The following GULP1 variants were observed in gnomAD, a reference collection of about 807,000 sequenced individuals.
The protein encoded by GULP1 is GULP PTB domain containing engulfment adaptor 1.
A neutral mutation model predicts 40.9 loss-of-function variants in GULP1; 19 were observed. The observed-to-expected ratio is 0.46, with a 90% CI of 0.32 to 0.68. The LOEUF is 0.68. Ranked by LOEUF, GULP1 falls within the 30% of genes least tolerant of loss-of-function variation. GULP1 has a pLI of 0.03. For synonymous variants in GULP1, 119 were observed against 117.6 expected (o/e 1.01, Z -0.08); for missense variants, 312 against 362.2 (o/e 0.86, Z 1.12).
intron 4 of GULP1, 122 bp downstream of exon 4, chr2:188,483,614 C>T: frequency 2.4e-6 from 1 of 424,374 alleles, no homozygotes; most frequent in Non-Finnish European, 4.3e-6. Flanking sequence ...AAAAAGTTTA[C>T]ATAAATAAAA....
intron 1 of GULP1, among the ~76,000 whole-genome samples, chr2:188,322,008 G>A (rs6716852): frequency 0.75 from 114,457 of 152,036 alleles, 43,525 homozygotes; most frequent in East Asian, 0.95. Context: ...CTGGACAACA[G>A]GAGTGAAACT....
At chr2:188,575,315 G>T (rs776790209) in intron 9 of GULP1, among the ~76,000 whole-genome samples, 1 of 152,116 alleles carries the variant, frequency 6.6e-6, no homozygotes, top group Non-Finnish European at 1.5e-5. Context: ...ATTATAAAAT[G>T]TGTACTGAAG....
chr2:188,496,083 A>G (rs961406143), intron 4 of GULP1, among the ~76,000 whole-genome samples: 19 of 152,032 alleles, frequency 1.2e-4, no homozygotes, highest in Non-Finnish European at 2.1e-4. Context: ...ACTAATGATG[A>G]TAAGCATGGC....
At chr2:188,454,138 C>G (rs2059061943) in intron 2 of GULP1, among the ~76,000 whole-genome samples, 1 of 152,198 alleles carries the variant, frequency 6.6e-6, no homozygotes, top group Admixed American at 6.5e-5. Context: ...TGGCTGCTCC[C>G]AAGCTCTTGT....
At chr2:188,563,919 A>G (rs1210393303) in intron 7 of GULP1, among the ~76,000 whole-genome samples, 2 of 151,972 alleles carry the variant, frequency 1.3e-5, no homozygotes, top group Non-Finnish European at 2.9e-5. Context: ...TATAAAATAG[A>G]TAGTACATTA....
intron 5 of GULP1, among the ~76,000 whole-genome samples, chr2:188,523,431 C>T (rs909212349): frequency 6.6e-6 from 1 of 152,184 alleles, no homozygotes; most frequent in African/African-American, 2.4e-5. Context: ...TAAGATGCTA[C>T]ACACCATGTT....
chr2:188,490,035 C>T (rs1006281598), intron 4 of GULP1, among the ~76,000 whole-genome samples: 3 of 151,958 alleles, frequency 2.0e-5, no homozygotes, highest in East Asian at 1.9e-4. Context: ...TATATAGCTG[C>T]TAGAAATTAT....
At chr2:188,588,002 G>T (rs750077030) in intron 11 of GULP1, 53 bp downstream of exon 11, 3 of 920,908 alleles carry the variant, frequency 3.3e-6, no homozygotes, top group Non-Finnish European at 5.5e-6. Flanking sequence ...TTTGATATGG[G>T]ACAAAGAGAA....
chr2:188,380,617 A>G (rs930041978), intron 1 of GULP1, among the ~76,000 whole-genome samples: 12 of 152,202 alleles, frequency 7.9e-5, no homozygotes, highest in African/African-American at 2.7e-4. Context: ...TTAGGAGCTT[A>G]TAGAGGATAA....
chr2:188,487,974 A>G (rs1399986454), intron 4 of GULP1, among the ~76,000 whole-genome samples: 1 of 152,016 alleles, frequency 6.6e-6, no homozygotes, highest in African/African-American at 2.4e-5. Context: ...AAAATGACAA[A>G]GAACAAAAAC....
chr2:188,537,108 G>A (rs1388484839), intron 6 of GULP1, among the ~76,000 whole-genome samples: 4 of 151,664 alleles, frequency 2.6e-5, no homozygotes, highest in Admixed American at 1.3e-4. Context: ...GATCTTCTAG[G>A]TAGATAATCA....
intron 4 of GULP1, among the ~76,000 whole-genome samples, chr2:188,508,662 A>T (rs1342471106): frequency 6.6e-6 from 1 of 152,000 alleles, no homozygotes; most frequent in Non-Finnish European, 1.5e-5. Context: ...TTCCCAGCAG[A>T]TTCCTTTCAG....
intron 2 of GULP1, among the ~76,000 whole-genome samples, chr2:188,477,275 A>G (rs1415318022): frequency 6.6e-6 from 1 of 152,116 alleles, no homozygotes; most frequent in African/African-American, 2.4e-5. Flanking sequence ...TTTGTAATAA[A>G]CACGAAACTC....
Position 188,538,682 on chromosome 2 carries a change from A to AGT in GULP1, c.262-2489_262-2488dup, listed in dbSNP as rs1322212734. 8.8e-5 allele frequency among the ~76,000 whole-genome samples: 13 copies of AGT among 146,998 alleles called. No individual in the cohort carries two copies. The East Asian group carries it at 2.0e-3, about 22-fold the overall frequency. ...ATGCTGATTGCGGTATGTGTGTGTG[A>AGT]GTGTGTGTGTGAGTGTGTGTGTGTG... On this transcript the variant is annotated intron_variant, in intron 6 of 11. Transcript: ENST00000409830.
chr2:188,374,783 A>G (rs910108877), intron 1 of GULP1, among the ~76,000 whole-genome samples: 2 of 151,386 alleles, frequency 1.3e-5, no homozygotes, highest in Non-Finnish European at 2.9e-5. Flanking sequence ...TCTGCAAAGG[A>G]AATTCAGGGT....
intron 2 of GULP1, among the ~76,000 whole-genome samples, chr2:188,388,152 A>T (rs1410995830): frequency 1.3e-5 from 2 of 151,328 alleles, no homozygotes; most frequent in Admixed American, 6.6e-5. Context: ...TGTCCTTGCG[A>T]TAGTTTACTG....
chr2:188,502,365 G>T (rs542178847), intron 4 of GULP1, among the ~76,000 whole-genome samples: 1 of 151,916 alleles, frequency 6.6e-6, no homozygotes, highest in Non-Finnish European at 1.5e-5. Context: ...CTTGAGCCTG[G>T]ATTTAGTTTT....
chr2:188,350,951 A>G (rs1051897169), intron 1 of GULP1, among the ~76,000 whole-genome samples: 1 of 152,156 alleles, frequency 6.6e-6, no homozygotes, highest in Non-Finnish European at 1.5e-5. Flanking sequence ...AAGTCTCAAC[A>G]TGCTTGAAAT....
chr2:188,592,659 C>G (rs537929844), intron 11 of GULP1: 1 of 151,966 alleles, frequency 6.6e-6, no homozygotes, highest in South Asian at 2.1e-4. Flanking sequence ...ATTCTTTGAA[C>G]ATTAATAACA....
Sources: allele counts gnomAD v4.1 joint callset (sites outside exome capture counted in the v4.1 genomes callset), GRCh38; gene constraint gnomAD v4.1.1; transcripts MANE v1.5; gene names NCBI Gene and HGNC (gene_info 2026-07-23, HGNC 2026-07-21).